DACH1: variants seen among roughly 807,000 people sequenced by gnomAD.
DACH1 encodes the protein dachshund homolog 1.
In DACH1, 12 loss-of-function variants were observed where a neutral mutation model predicts 54.2. The ratio of observed to expected loss-of-function variants is 0.22; its 90% CI spans 0.14 to 0.36. The LOEUF is 0.36. DACH1 is among the 10% of genes least tolerant of loss of function. The probability of loss-of-function intolerance (pLI) is 1.00; values close to 1 mark genes in which losing one functional copy is unlikely to be tolerated. For missense variants in DACH1, 805 were observed against 929.8 expected, an observed-to-expected ratio of 0.87 and a Z score of 1.75; for synonymous variants, 386 against 366.2, an observed-to-expected ratio of 1.05 and a Z score of -0.62.
In DACH1 at chr13:71,540,189, A is replaced by G. The variant is rs116277161; in HGVS notation, c.1570+16835T>C. Among the ~76,000 whole-genome samples the G allele has an allele frequency of 2.0e-3, 306 of 152,168 alleles. 2 individuals carry two copies. The highest frequency in any genetic ancestry group is 0.016 in the South Asian group (75 of 4,828). ...TGCATTTCTGTTAATATAAAAGTAT[A>G]CCTGGTACATTTTATCATGCATTAG... On this transcript the variant is annotated intron_variant, in intron 6 of 10. Coordinates refer to ENST00000613252, the MANE Select transcript of DACH1 (RefSeq NM_080759.6).
intron 10 of DACH1, among the ~76,000 whole-genome samples, chr13:71,454,606 T>C (rs140614949): frequency 6.6e-6 from 1 of 152,214 alleles, no homozygotes; most frequent in East Asian, 1.9e-4. Flanking sequence ...GAGTACCGTG[T>C]GGCAAGGAAC....
At chr13:71,593,681 G>T (rs1341102309) in intron 3 of DACH1, among the ~76,000 whole-genome samples, 1 of 152,042 alleles carries the variant, frequency 6.6e-6, no homozygotes, top group Non-Finnish European at 1.5e-5. Context: ...GCAAGATTAT[G>T]TATGCTTTGA....
intron 2 of DACH1, among the ~76,000 whole-genome samples, chr13:71,656,576 T>G (rs2043872755): frequency 6.6e-6 from 1 of 152,032 alleles, no homozygotes; most frequent in African/African-American, 2.4e-5. Flanking sequence ...TTGTTGTCTT[T>G]TCTTTCCAAC....
At position 71,865,857 on chromosome 13, in the gene DACH1, C is replaced by T. The variant is rs941661138; in HGVS notation, c.848+65G>A. The T allele has an allele frequency of 4.2e-6, 6 of 1,438,020 alleles. No homozygotes were observed. The African/African-American group carries it at 5.9e-5, about 14-fold the overall frequency. The allele number at this position is 1,438,020 out of a possible 1,614,324, so 89.1% of individuals were successfully genotyped here. A position where few individuals can be genotyped will look rare whatever the true frequency, so the allele number is the denominator to read the frequency against. On this transcript the variant is annotated intron_variant, in intron 1 of 10. Coordinates refer to ENST00000613252, the MANE Select transcript of DACH1 (RefSeq NM_080759.6). ...AGAGCGAGCGGCGCCGGGAAAGGAG[C>T]GAGGGCAGGCGAGCAGGCTGGTGGG... is the stretch of plus-strand genomic sequence containing the variant.
intron 6 of DACH1, among the ~76,000 whole-genome samples, chr13:71,507,919 A>C (rs986574069): frequency 2.0e-5 from 3 of 152,184 alleles, no homozygotes; most frequent in African/African-American, 7.2e-5. Flanking sequence ...ATTAAACATA[A>C]AAATTCTATA....
At chr13:71,684,915 C>A (rs1216052391) in intron 1 of DACH1, among the ~76,000 whole-genome samples, 1 of 152,106 alleles carries the variant, frequency 6.6e-6, no homozygotes, top group Non-Finnish European at 1.5e-5. Flanking sequence ...GAAACTCTAA[C>A]TTGAAACGTA....
intron 10 of DACH1, among the ~76,000 whole-genome samples, chr13:71,459,588 A>G (rs558818418): frequency 1.3e-5 from 2 of 152,122 alleles, no homozygotes; most frequent in South Asian, 2.1e-4. Flanking sequence ...TGGTATACAA[A>G]GGGAGATGAG....
chr13:71,587,461 C>G (rs1038163722), intron 3 of DACH1, among the ~76,000 whole-genome samples: 3 of 151,894 alleles, frequency 2.0e-5, no homozygotes, highest in African/African-American at 4.8e-5. Context: ...TTGTTAAAAC[C>G]TCAAACAAAC....
intron 1 of DACH1, among the ~76,000 whole-genome samples, chr13:71,763,087 C>A (rs1385903214): frequency 6.6e-6 from 1 of 152,190 alleles, no homozygotes; most frequent in Non-Finnish European, 1.5e-5. Flanking sequence ...TCATCCTCAA[C>A]ATTCACATGT....
At chr13:71,796,609 G>A (rs1339077542) in intron 1 of DACH1, among the ~76,000 whole-genome samples, 1 of 152,000 alleles carries the variant, frequency 6.6e-6, no homozygotes, top group Non-Finnish European at 1.5e-5. Context: ...CACTTGGCCG[G>A]TAAGCAAACA....
chr13:71,581,505 C>T (rs1310113576), intron 3 of DACH1, among the ~76,000 whole-genome samples: 1 of 152,140 alleles, frequency 6.6e-6, no homozygotes, highest in African/African-American at 2.4e-5. Flanking sequence ...TCTGCCGCCT[C>T]GTCTTCCCAA....
intron 6 of DACH1, among the ~76,000 whole-genome samples, chr13:71,543,487 T>C (rs1230348431): frequency 6.6e-6 from 1 of 152,142 alleles, no homozygotes; most frequent in Non-Finnish European, 1.5e-5. Context: ...GCATAATGTT[T>C]CTATTACTAT....
chr13:71,681,322 G>A (rs773500243), intron 2 of DACH1, among the ~76,000 whole-genome samples: 1 of 152,082 alleles, frequency 6.6e-6, no homozygotes, highest in African/African-American at 2.4e-5. Flanking sequence ...TAATAGAAAC[G>A]TATTAGTTTG....
intron 1 of DACH1, among the ~76,000 whole-genome samples, chr13:71,793,788 A>G (rs1160229745): frequency 3.9e-5 from 6 of 152,122 alleles, no homozygotes; most frequent in African/African-American, 9.7e-5. Flanking sequence ...CAGCCTCCCA[A>G]AATGTTGGGA....
intron 10 of DACH1, among the ~76,000 whole-genome samples, chr13:71,466,191 T>C (rs576321865): frequency 6.6e-6 from 1 of 152,272 alleles, no homozygotes; most frequent in Non-Finnish European, 1.5e-5. Flanking sequence ...TGATGTTAAA[T>C]CAAAATGGAT....
chr13:71,689,719 G>T (rs116594904), intron 1 of DACH1, among the ~76,000 whole-genome samples: 9,621 of 152,070 alleles, frequency 0.063, 900 homozygotes, highest in African/African-American at 0.21. Context: ...TACCCCCAAA[G>T]AAAGAATTAA....
intron 1 of DACH1, chr13:71,704,399 GT>G: frequency 2.4e-6 from 1 of 413,726 alleles, no homozygotes; most frequent in Admixed American, 2.6e-5. Flanking sequence ...TGTTGACATT[GT>G]TTTAAACAAG....
chr13:71,617,943 T>A (rs572224962), intron 3 of DACH1, among the ~76,000 whole-genome samples: 2 of 152,298 alleles, frequency 1.3e-5, no homozygotes, highest in South Asian at 2.1e-4. Flanking sequence ...CTTGTTTTGG[T>A]CTGCTCACTT....
rs75900976 is a variant in DACH1, at chr13:71,510,513, T to A, written c.1571-21365A>T. On this transcript the variant is annotated intron_variant, in intron 6 of 10. Transcript: ENST00000613252. The stretch of plus-strand genomic sequence containing the variant: ...TCCTTTCCAGGGTCAAATAACAAGA[T>A]GAATCGTTAGTGTGACATTCTAGTT... Among the ~76,000 whole-genome samples, 56 of 152,212 alleles carry A rather than the reference T, an allele frequency of 3.7e-4. 1 individual carries two copies. The East Asian group carries it at 0.011, about 29-fold the overall frequency.
Sources: allele counts gnomAD v4.1 joint callset (sites outside exome capture counted in the v4.1 genomes callset), GRCh38; gene constraint gnomAD v4.1.1; transcripts MANE v1.5; gene names NCBI Gene and HGNC (gene_info 2026-07-23, HGNC 2026-07-21).